Variants in POLD3 observed in about 807,000 individuals in gnomAD.
The protein encoded by POLD3 is DNA polymerase delta 3, accessory subunit.
Under a neutral mutation model 58.2 loss-of-function variants are expected in POLD3, and 19 were observed. The observed-to-expected ratio is 0.33, with a 90% confidence interval of 0.23 to 0.48. The LOEUF (loss-of-function observed/expected upper bound fraction) is 0.48, where lower values mean the gene tolerates loss of function less well. Ranked by LOEUF, POLD3 falls within the 20% of genes least tolerant of loss-of-function variation. The probability of loss-of-function intolerance (pLI) is 0.99; values close to 1 mark genes in which losing one functional copy is unlikely to be tolerated. For missense variants in POLD3, 504 were observed against 545.5 expected, an observed-to-expected ratio of 0.92 and a Z score of 0.76; for synonymous variants, 172 against 193.5, an observed-to-expected ratio of 0.89 and a Z score of 0.92.
At chr11:74,593,665 T>C (rs1182810934) in intron 1 of POLD3, among the ~76,000 whole-genome samples, 1 of 152,180 alleles carries the variant, frequency 6.6e-6, no homozygotes, top group Non-Finnish European at 1.5e-5. Flanking sequence ...CAACTTTCTT[T>C]AGAAGTTTCT....
intron 4 of POLD3, among the ~76,000 whole-genome samples, chr11:74,663,517 A>T (rs573465181): frequency 1.9e-4 from 29 of 152,344 alleles, no homozygotes; most frequent in African/African-American, 6.7e-4. Context: ...TGACATAAAG[A>T]TAGAAAAAAT....
chr11:74,604,895 T>C (rs2031624655), intron 3 of POLD3, 101 bp downstream of exon 3: 10 of 672,454 alleles, frequency 1.5e-5, no homozygotes, highest in Non-Finnish European at 2.1e-5. Context: ...TTCTGTGTTA[T>C]AGTAGTTTTA....
intron 5 of POLD3, among the ~76,000 whole-genome samples, chr11:74,616,277 A>T (rs905046206): frequency 3.9e-5 from 6 of 152,260 alleles, no homozygotes; most frequent in Admixed American, 3.9e-4. Flanking sequence ...AAGTGAATTT[A>T]TCTCCAACAA....
intron 3 of POLD3, among the ~76,000 whole-genome samples, chr11:74,609,753 C>A (rs1050670167): frequency 6.6e-6 from 1 of 152,050 alleles, no homozygotes; most frequent in Non-Finnish European, 1.5e-5. Flanking sequence ...TGTTTTCATA[C>A]GTGCAAACTA....
At chr11:74,616,744 T>G (rs1438972264) in intron 5 of POLD3, among the ~76,000 whole-genome samples, 1 of 152,234 alleles carries the variant, frequency 6.6e-6, no homozygotes, top group Non-Finnish European at 1.5e-5. Context: ...GGCTGCCCAG[T>G]CTAAAGTTAC....
At chr11:74,668,408 A>G (rs1389960603) in intron 4 of POLD3, among the ~76,000 whole-genome samples, 1 of 152,240 alleles carries the variant, frequency 6.6e-6, no homozygotes, top group Non-Finnish European at 1.5e-5. Flanking sequence ...GGAATGAAAT[A>G]TTGATATATA....
intron 1 of POLD3, 199 bp downstream of exon 1, chr11:74,592,917 G>A (rs1300753841): frequency 2.8e-6 from 4 of 1,419,794 alleles, no homozygotes; most frequent in Admixed American, 2.9e-5. Flanking sequence ...ACACACGGAA[G>A]TCCGCGTCCC....
At chr11:74,596,514 G>T (rs2031264137) in intron 2 of POLD3, among the ~76,000 whole-genome samples, 2 of 152,056 alleles carry the variant, frequency 1.3e-5, no homozygotes, top group Non-Finnish European at 1.5e-5. Flanking sequence ...AAATAAAGTT[G>T]TATGTATTTA....
In POLD3 at chr11:74,619,545, T is replaced by A. The variant is rs1031640026; in HGVS notation, c.661-472T>A. Among the ~76,000 whole-genome samples the A allele has an allele frequency of 2.0e-5, 3 of 152,184 alleles. No individual in the cohort carries two copies. In the South Asian group the frequency reaches 6.2e-4, roughly 31 times the overall value. On this transcript the variant is annotated intron_variant, in intron 6 of 11. Coordinates refer to ENST00000263681, the MANE Select transcript of POLD3 (RefSeq NM_006591.3). ...TCTTATCAGTTCTGTGAGGGAGATA[T>A]TAACTATTTCCCTTTCGCATATGGT...
chr11:74,617,962 G>A (rs1171742458), intron 5 of POLD3, among the ~76,000 whole-genome samples: 1 of 151,950 alleles, frequency 6.6e-6, no homozygotes, highest in Non-Finnish European at 1.5e-5. Context: ...TAAGCGATCC[G>A]CCCGCCTCAG....
intron 6 of POLD3, 85 bp downstream of exon 6, chr11:74,618,889 A>G (rs2032164506): frequency 1.8e-5 from 21 of 1,136,038 alleles, no homozygotes; most frequent in Admixed American, 2.6e-5. Flanking sequence ...GTAGTAGTTT[A>G]TTTATATAAG....
At chr11:74,613,431 T>A (rs1591300037) in intron 5 of POLD3, among the ~76,000 whole-genome samples, 1 of 4,166 alleles carries the variant, frequency 2.4e-4, no homozygotes, top group African/African-American at 0.015. Context: ...CAGGATCAGG[T>A]TTTTTTTTAA....
intron 9 of POLD3, among the ~76,000 whole-genome samples, chr11:74,631,733 C>T (rs1003506131): frequency 3.3e-5 from 5 of 152,098 alleles, no homozygotes; most frequent in South Asian, 2.1e-4. Context: ...CCACCCGCCT[C>T]GGCCTCTCAA....
chr11:74,627,242 C>T (rs758165543), intron 8 of POLD3, among the ~76,000 whole-genome samples: 1 of 151,502 alleles, frequency 6.6e-6, no homozygotes, highest in Admixed American at 6.6e-5. Flanking sequence ...CTGTGTAGGC[C>T]GAGGCTAATG....
At chr11:74,663,566 T>C (rs1298251000) in intron 4 of POLD3, among the ~76,000 whole-genome samples, 1 of 152,170 alleles carries the variant, frequency 6.6e-6, no homozygotes, top group Non-Finnish European at 1.5e-5. Flanking sequence ...TAAATAGTGG[T>C]TGATTTTCAT....
rs1565120216 is a variant in POLD3, at chr11:74,620,058, G to T, written c.702G>T (p.Met234Ile). 1 of 1,613,762 alleles carries T rather than the reference G, an allele frequency of 6.2e-7. No homozygotes were observed. The highest frequency in any genetic ancestry group is 8.5e-7 in the Non-Finnish European group (1 of 1,179,674). Residue 234 changes from methionine (M) to isoleucine (I), a missense_variant, in exon 7 of 12, where the codon ATG becomes ATT. This residue lies in a region of POLD3 where 385 missense variants were observed against 370.5 expected (regional missense o/e 1.04). Coordinates refer to ENST00000263681, the MANE Select transcript of POLD3 (RefSeq NM_006591.3). ...ACAAGGCACCAGGGAAAGGGAATATGATGAGCAACTTTTTTGGAAAAGCTG... is the reference window on the plus strand; with the variant it reads ...ACAAGGCACCAGGGAAAGGGAATATTATGAGCAACTTTTTTGGAAAAGCTG... ...AGNKAPGKGNMMSNFFGKAAM... is the reference protein window; with the variant it reads ...AGNKAPGKGNIMSNFFGKAAM...
chr11:74,644,137 C>G (rs1707606456), downstream of POLD3, among the ~76,000 whole-genome samples: 1 of 152,174 alleles, frequency 6.6e-6, no homozygotes, highest in South Asian at 2.1e-4. Flanking sequence ...CCTTTTCTAT[C>G]TTTGTTTCTT....
intron 4 of POLD3, among the ~76,000 whole-genome samples, chr11:74,668,346 G>A (rs949388553): frequency 1.3e-5 from 2 of 152,116 alleles, no homozygotes; most frequent in African/African-American, 2.4e-5. Context: ...GTGATGAATG[G>A]ATAAATGCAA....
intron 6 of POLD3, 122 bp downstream of exon 6, chr11:74,618,926 T>C (rs1373741976): frequency 2.2e-5 from 19 of 854,820 alleles, no homozygotes; most frequent in Admixed American, 9.1e-5. Flanking sequence ...CTGATTTTTC[T>C]ACTTTAGTTT....
Sources: gnomAD v4.1 joint callset for allele counts (sites outside exome capture counted in the v4.1 genomes callset) on GRCh38, gnomAD v4.1.1 for gene constraint, gnomAD v4.1.1 regional missense constraint, MANE v1.5 for transcripts, NCBI Gene and HGNC (gene_info 2026-07-23, HGNC 2026-07-21) for gene names.